Variants in APBA2 observed in about 807,000 individuals in gnomAD.
APBA2 encodes amyloid beta precursor protein binding family A member 2, also known as amyloid-beta A4 precursor protein-binding family A member 2.
In APBA2, 30 loss-of-function variants were observed where a neutral mutation model predicts 75.0. The observed-to-expected ratio is 0.40, with a 90% CI of 0.30 to 0.54. The LOEUF (loss-of-function observed/expected upper bound fraction) is 0.54, where lower values mean the gene tolerates loss of function less well. APBA2 is among the 20% of genes least tolerant of loss of function. The pLI, the probability that APBA2 is intolerant of heterozygous loss-of-function variation, is 0.49. For synonymous variants in APBA2, 444 were observed against 409.6 expected (o/e 1.08, Z -1.01); for missense variants, 801 against 1,016.1 (o/e 0.79, Z 2.88).
intron 1 of APBA2, among the ~76,000 whole-genome samples, chr15:28,914,312 A>T (rs1323284476): frequency 1.3e-5 from 2 of 152,174 alleles, no homozygotes; most frequent in Non-Finnish European, 2.9e-5. Flanking sequence ...TAATGGTATT[A>T]GGTGACTTTT....
At position 28,943,605 on chromosome 15, in the gene APBA2, G is replaced by A. The variant is rs114561510; in HGVS notation, c.-95+21856G>A. ...GAGTTGCAGATGTCTCAGCCATCCC[G>A]AGCGTGACCATTCTGAGTGGCGGGA... On this transcript the variant is annotated intron_variant, in intron 2 of 14. Transcript: ENST00000683413. Among the ~76,000 whole-genome samples, 307 of 152,328 alleles carry A rather than the reference G, an allele frequency of 2.0e-3. 2 individuals carry two copies. Among genetic ancestry groups the A allele is most frequent in the African/African-American group, 6.9e-3 (287 of 41,580 alleles).
intron 2 of APBA2, among the ~76,000 whole-genome samples, chr15:28,964,448 G>T (rs1271857395): frequency 6.7e-6 from 1 of 150,096 alleles, no homozygotes; most frequent in Non-Finnish European, 1.5e-5. Flanking sequence ...TGCCATCTGT[G>T]TATCTTCACG....
At chr15:29,004,836 C>T (rs960530011) in intron 3 of APBA2, among the ~76,000 whole-genome samples, 7 of 152,178 alleles carry the variant, frequency 4.6e-5, no homozygotes, top group Admixed American at 1.3e-4. Flanking sequence ...CATGCCACCA[C>T]GCCTGACTAA....
chr15:28,953,712 C>T (rs2036013180), intron 2 of APBA2, among the ~76,000 whole-genome samples: 1 of 152,130 alleles, frequency 6.6e-6, no homozygotes, highest in Non-Finnish European at 1.5e-5. Context: ...ACCTTCTTCC[C>T]TTGGCTTGTG....
chr15:28,950,026 C>T (rs2336912), intron 2 of APBA2, among the ~76,000 whole-genome samples: 40,356 of 152,070 alleles, frequency 0.27, 9,590 homozygotes, highest in African/African-American at 0.61. Context: ...CAGGCCACTA[C>T]GTTACCTATA....
At chr15:29,034,225 G>C (rs1269063564) in intron 3 of APBA2, among the ~76,000 whole-genome samples, 1 of 152,150 alleles carries the variant, frequency 6.6e-6, no homozygotes, top group African/African-American at 2.4e-5. Context: ...ATGTGGTTGA[G>C]CTCAATATCT....
chr15:28,990,192 C>G (rs1383839076), intron 2 of APBA2, among the ~76,000 whole-genome samples: 1 of 152,118 alleles, frequency 6.6e-6, no homozygotes, highest in East Asian at 1.9e-4. Context: ...GGTGGATCAC[C>G]TGAGGTCAGG....
chr15:29,053,643 G>T (rs574046449), intron 3 of APBA2, among the ~76,000 whole-genome samples: 36 of 152,136 alleles, frequency 2.4e-4, no homozygotes, highest in Admixed American at 2.0e-3. Context: ...CCGGAGCTCT[G>T]TGTGCCCTCG....
intron 2 of APBA2, among the ~76,000 whole-genome samples, chr15:28,989,980 G>A (rs1439712598): frequency 1.3e-5 from 2 of 152,144 alleles, no homozygotes; most frequent in African/African-American, 2.4e-5. Context: ...GTTTAGTATC[G>A]AGAATCACTG....
chr15:29,094,225 A>G (rs887686363), intron 7 of APBA2, 53 bp from the exon 8 acceptor site: 34 of 1,590,654 alleles, frequency 2.1e-5, no homozygotes, highest in African/African-American at 8.1e-5. Flanking sequence ...AACCTCACGC[A>G]CCTTCCTTCT....
At chr15:28,886,367 G>A (rs553420629) in intron 1 of APBA2, 89 bp downstream of exon 1, 102 of 151,648 alleles carry the variant, frequency 6.7e-4, no homozygotes, top group African/African-American at 2.3e-3. Context: ...CGCGTGGGGG[G>A]CGGCGCGGAG....
chr15:29,108,829 G>A (rs894776755), intron 13 of APBA2, among the ~76,000 whole-genome samples: 1 of 152,232 alleles, frequency 6.6e-6, no homozygotes, highest in African/African-American at 2.4e-5. Flanking sequence ...TACCTGCTCT[G>A]TGTTAGGCTT....
intron 3 of APBA2, among the ~76,000 whole-genome samples, chr15:29,010,924 G>C (rs1345565736): frequency 6.6e-6 from 1 of 152,172 alleles, no homozygotes; most frequent in Non-Finnish European, 1.5e-5. Context: ...GTAGTGTTAA[G>C]TAAATTCATA....
chr15:29,057,481 A>G (rs2041950477), intron 4 of APBA2, among the ~76,000 whole-genome samples: 2 of 152,354 alleles, frequency 1.3e-5, no homozygotes, highest in Admixed American at 1.3e-4. Flanking sequence ...TGAAAAATGT[A>G]TTCTCCATGG....
intron 2 of APBA2, among the ~76,000 whole-genome samples, chr15:28,949,795 T>C (rs2035753012): frequency 6.6e-6 from 1 of 152,196 alleles, no homozygotes; most frequent in Non-Finnish European, 1.5e-5. Context: ...AAACTTTTAA[T>C]TCTAGAACAG....
rs776291739 is a variant in APBA2, at chr15:29,113,973, C to T, written c.2135C>T (p.Ala712Val). The change falls in exon 14 of 15, where the codon GCC (alanine) becomes GTC (valine). Residue 712 changes from alanine (A) to valine (V), a missense_variant. Around this residue, in one of 2 missense-constraint regions of APBA2, gnomAD observed 367 missense variants for 544.5 expected, o/e 0.67. Transcript: ENST00000683413. ...AACGGGCAGAGCGTGGTGGCCACAG[C>T]CCACGAGAAGATAGTCCAAGCTCTG... Reference protein sequence around the residue: ...EINGQSVVATAHEKIVQALSN... With the variant: ...EINGQSVVATVHEKIVQALSN... 18 of 1,613,770 alleles carry T rather than the reference C, an allele frequency of 1.1e-5. No homozygotes were observed. Among genetic ancestry groups the T allele is most frequent in the Non-Finnish European group, 1.5e-5 (18 of 1,180,042 alleles).
chr15:29,104,283 G>A (rs1312242017), intron 10 of APBA2, among the ~76,000 whole-genome samples: 1 of 152,208 alleles, frequency 6.6e-6, no homozygotes, highest in African/African-American at 2.4e-5. Context: ...GCAGGACAGC[G>A]CATAAGGAGG....
intron 2 of APBA2, among the ~76,000 whole-genome samples, chr15:28,989,626 G>T (rs900758975): frequency 2.0e-5 from 3 of 152,150 alleles, no homozygotes; most frequent in Non-Finnish European, 2.9e-5. Flanking sequence ...TCCCATCCCC[G>T]CTCCAGGGGG....
At chr15:29,036,235 T>A (rs1164696733) in intron 3 of APBA2, among the ~76,000 whole-genome samples, 2 of 136,578 alleles carry the variant, frequency 1.5e-5, no homozygotes, top group Non-Finnish European at 3.3e-5. Flanking sequence ...ATATATATTT[T>A]TTGTCTTAAA....
Sources: gnomAD v4.1 joint callset for allele counts (sites outside exome capture counted in the v4.1 genomes callset) on GRCh38, gnomAD v4.1.1 for gene constraint, gnomAD v4.1.1 regional missense constraint, MANE v1.5 for transcripts, NCBI Gene and HGNC (gene_info 2026-07-23, HGNC 2026-07-21) for gene names.